STXBP5: variants seen among roughly 807,000 people sequenced by gnomAD.
The protein encoded by STXBP5 is syntaxin-binding protein 5.
In STXBP5, 50 loss-of-function variants were observed where a neutral mutation model predicts 152.4. That is an observed-to-expected ratio of 0.33 (90% confidence interval 0.26 to 0.42). The LOEUF is 0.42. Ranked by LOEUF, STXBP5 falls within the 10% of genes least tolerant of loss-of-function variation. STXBP5 has a pLI of 1.00. For missense variants in STXBP5, 1,167 were observed against 1,388.6 expected (o/e 0.84, Z 2.54); for synonymous variants, 492 against 494.7 (o/e 0.99, Z 0.07).
rs538402274 is a variant in STXBP5, at chr6:147,343,219, T to C, written c.2254+3835T>C. On this transcript the variant is annotated intron_variant, in intron 21 of 27. Transcript: ENST00000321680. ...AAAATTATGTTTCCAAGGTTACTTT[T>C]ATCTCTCCAATTCTGAGTTAACATA... Among the ~76,000 whole-genome samples, 114 of 152,274 alleles carry C rather than the reference T, an allele frequency of 7.5e-4. 1 individual carries two copies. Among genetic ancestry groups the C allele is most frequent in the African/African-American group, 2.7e-3 (113 of 41,582 alleles).
At chr6:147,272,358 C>T (rs1437638864) in intron 7 of STXBP5, among the ~76,000 whole-genome samples, 1 of 152,190 alleles carries the variant, frequency 6.6e-6, no homozygotes. Context: ...TTATTCTTAA[C>T]ACACGTTAAT....
At chr6:147,380,849 G>T (rs942038050) in intron 26 of STXBP5, among the ~76,000 whole-genome samples, 2 of 152,092 alleles carry the variant, frequency 1.3e-5, no homozygotes, top group Non-Finnish European at 2.9e-5. Flanking sequence ...TGATTTTTAG[G>T]TGGATCTGTG....
chr6:147,327,032 C>A, intron 17 of STXBP5, 93 bp from the exon 18 acceptor site: 1 of 1,173,362 alleles, frequency 8.5e-7, no homozygotes, highest in South Asian at 1.6e-5. Context: ...CTGAAAGACC[C>A]ACCATGCTTC....
At chr6:147,218,571 C>G (rs965107584) in intron 2 of STXBP5, among the ~76,000 whole-genome samples, 10 of 152,110 alleles carry the variant, frequency 6.6e-5, no homozygotes, top group African/African-American at 2.4e-4. Flanking sequence ...GCCTCGATCT[C>G]CTGGGCTCGA....
At chr6:147,226,054 T>G (rs964884128) in intron 2 of STXBP5, among the ~76,000 whole-genome samples, 4 of 152,140 alleles carry the variant, frequency 2.6e-5, no homozygotes, top group Non-Finnish European at 4.4e-5. Flanking sequence ...GGCTCATGCA[T>G]GTAATCTCAG....
At chr6:147,370,274 CAGA>C (rs1184628433) in intron 25 of STXBP5, among the ~76,000 whole-genome samples, 1 of 152,018 alleles carries the variant, frequency 6.6e-6, no homozygotes, top group Non-Finnish European at 1.5e-5. Context: ...TACAAAGGAG[CAGA>C]AGGACACTTG....
At chr6:147,249,620 T>C (rs566774602) in intron 4 of STXBP5, among the ~76,000 whole-genome samples, 60 of 152,246 alleles carry the variant, frequency 3.9e-4, no homozygotes, top group African/African-American at 1.4e-3. Flanking sequence ...TATAATAAAA[T>C]GCAAGAGGAG....
chr6:147,288,082 C>G (rs752268590), intron 8 of STXBP5, among the ~76,000 whole-genome samples: 3 of 152,042 alleles, frequency 2.0e-5, no homozygotes, highest in Non-Finnish European at 2.9e-5. Flanking sequence ...GTCTAGTTCT[C>G]GGAGCTTTTC....
chr6:147,250,378 C>T (rs574676387), intron 4 of STXBP5, among the ~76,000 whole-genome samples: 15 of 151,766 alleles, frequency 9.9e-5, no homozygotes, highest in Non-Finnish European at 1.6e-4. Flanking sequence ...TGGACTCAAC[C>T]AACTATGGCT....
intron 2 of STXBP5, among the ~76,000 whole-genome samples, chr6:147,212,426 A>G (rs920097804): frequency 6.6e-6 from 1 of 152,210 alleles, no homozygotes; most frequent in Non-Finnish European, 1.5e-5. Flanking sequence ...TTGCCTTATT[A>G]TTAGGAGATT....
At chr6:147,381,907 G>A (rs180951136) in intron 26 of STXBP5, among the ~76,000 whole-genome samples, 1 of 152,268 alleles carries the variant, frequency 6.6e-6, no homozygotes, top group East Asian at 1.9e-4. Context: ...CTGCTAACAG[G>A]CATGGAGCTT....
intron 23 of STXBP5, among the ~76,000 whole-genome samples, chr6:147,361,531 T>G (rs879521192): frequency 2.0e-5 from 3 of 152,140 alleles, no homozygotes; most frequent in Non-Finnish European, 4.4e-5. Flanking sequence ...AAGAGATGTT[T>G]TCAGGCTGAT....
At chr6:147,233,081 A>G (rs1050517247) in intron 2 of STXBP5, among the ~76,000 whole-genome samples, 7 of 151,810 alleles carry the variant, frequency 4.6e-5, no homozygotes, top group Non-Finnish European at 1.0e-4. Flanking sequence ...CTATTGTATT[A>G]GATATTCTTA....
intron 15 of STXBP5, 116 bp from the exon 16 acceptor site, chr6:147,316,113 T>G: frequency 2.8e-6 from 3 of 1,061,936 alleles, no homozygotes; most frequent in Non-Finnish European, 4.0e-6. Flanking sequence ...ATTTTTACCT[T>G]TAAAAATCTT....
Position 147,310,174 on chromosome 6 carries a change from T to A in STXBP5, c.1008T>A (p.Ala336=). The A allele has an allele frequency of 6.2e-7, 1 of 1,606,298 alleles. No homozygotes were observed. The highest frequency in any genetic ancestry group is 8.5e-7 in the Non-Finnish European group (1 of 1,177,684). The change falls in exon 10 of 28, where the codon GCT becomes GCA. Residue 336 remains alanine, a synonymous_variant. Transcript: ENST00000321680. ...CLTVMHGKST[A]VLEMDYSIVD... ...CAGTGATGCATGGGAAAAGCACTGC[T>A]GTGCTAGAAATGGACTATTCAATTG...
At chr6:147,362,101 C>T (rs1416177232) in intron 23 of STXBP5, among the ~76,000 whole-genome samples, 1 of 152,020 alleles carries the variant, frequency 6.6e-6, no homozygotes, top group African/African-American at 2.4e-5. Flanking sequence ...TTGGGACATA[C>T]TTATACTAAA....
intron 26 of STXBP5, among the ~76,000 whole-genome samples, chr6:147,380,869 A>C (rs980850929): frequency 1.3e-5 from 2 of 152,166 alleles, no homozygotes; most frequent in Non-Finnish European, 2.9e-5. Context: ...GTATTAGTCT[A>C]TTCTCATGCT....
chr6:147,291,881 G>A (rs959192533), intron 9 of STXBP5, among the ~76,000 whole-genome samples: 1 of 150,034 alleles, frequency 6.7e-6, no homozygotes, highest in African/African-American at 2.5e-5. Context: ...CTATAGCTAT[G>A]TTGGACAGTG....
intron 21 of STXBP5, among the ~76,000 whole-genome samples, chr6:147,341,187 A>G (rs1458317586): frequency 1.3e-5 from 2 of 152,054 alleles, no homozygotes; most frequent in Non-Finnish European, 1.5e-5. Flanking sequence ...GTTTTTTTGC[A>G]TTTGAAAAAC....
Sources: allele counts gnomAD v4.1 joint callset (sites outside exome capture counted in the v4.1 genomes callset), GRCh38; gene constraint gnomAD v4.1.1; transcripts MANE v1.5; gene names NCBI Gene and HGNC (gene_info 2026-07-23, HGNC 2026-07-21).